The following PDLIM5 variants were observed in gnomAD, a reference collection of about 807,000 sequenced individuals.
PDLIM5 encodes the protein PDZ and LIM domain protein 5.
A neutral mutation model predicts 64.2 loss-of-function variants in PDLIM5; 34 were observed. That is an observed-to-expected ratio of 0.53 (90% CI 0.40 to 0.71). PDLIM5 has a LOEUF of 0.71. Among genes scored for constraint, PDLIM5 ranks in the 30% least tolerant of loss-of-function variants. The pLI, the probability that PDLIM5 is intolerant of heterozygous loss-of-function variation, is 0.00. For synonymous variants in PDLIM5, 253 were observed against 269.1 expected, an observed-to-expected ratio of 0.94 and a Z score of 0.59; for missense variants, 683 against 733.6, an observed-to-expected ratio of 0.93 and a Z score of 0.80.
At chr4:94,580,077 T>G (rs1467675293) in intron 5 of PDLIM5, among the ~76,000 whole-genome samples, 1 of 152,200 alleles carries the variant, frequency 6.6e-6, no homozygotes, top group Admixed American at 6.6e-5. Flanking sequence ...AAATACCAAC[T>G]GATTAAATGT....
At chr4:94,621,829 T>C (rs1420802000) in intron 8 of PDLIM5, among the ~76,000 whole-genome samples, 1 of 152,198 alleles carries the variant, frequency 6.6e-6, no homozygotes, top group Non-Finnish European at 1.5e-5. Context: ...AAAATATAAA[T>C]GAATTTTATA....
chr4:94,625,427 C>CAGT (rs1739587997), intron 8 of PDLIM5, among the ~76,000 whole-genome samples: 3 of 151,010 alleles, frequency 2.0e-5, no homozygotes, highest in African/African-American at 7.3e-5. Context: ...ATACTCAAGG[C>CAGT]AGTAGTATTT....
chr4:94,513,835 A>T (rs893671789), intron 2 of PDLIM5, among the ~76,000 whole-genome samples: 8 of 152,154 alleles, frequency 5.3e-5, no homozygotes, highest in African/African-American at 1.9e-4. Context: ...GTTTTTCCCC[A>T]TTCAGTATGA....
At chr4:94,628,542 A>G (rs1739884566) in intron 8 of PDLIM5, among the ~76,000 whole-genome samples, 1 of 149,534 alleles carries the variant, frequency 6.7e-6, no homozygotes, top group African/African-American at 2.5e-5. Context: ...TTCCTGCTTC[A>G]TTTTTTTTCC....
chr4:94,493,543 C>A (rs1018681469), intron 2 of PDLIM5, among the ~76,000 whole-genome samples: 46 of 152,140 alleles, frequency 3.0e-4, no homozygotes, highest in African/African-American at 1.1e-3. Flanking sequence ...CTCAATGACC[C>A]TTTTAATTGC....
chr4:94,626,935 A>G (rs1739744607), intron 8 of PDLIM5, among the ~76,000 whole-genome samples: 1 of 152,196 alleles, frequency 6.6e-6, no homozygotes, highest in Non-Finnish European at 1.5e-5. Context: ...GTGAGAAAGG[A>G]AATTACTGTT....
At chr4:94,464,073 G>T (rs1410882077) in intron 2 of PDLIM5, among the ~76,000 whole-genome samples, 6 of 152,140 alleles carry the variant, frequency 3.9e-5, no homozygotes. Context: ...ATATTTTTTT[G>T]TAGTAAAGAT....
chr4:94,533,384 T>C (rs547937205), intron 3 of PDLIM5, among the ~76,000 whole-genome samples: 1 of 152,366 alleles, frequency 6.6e-6, no homozygotes, highest in African/African-American at 2.4e-5. Flanking sequence ...ATCCCAGGAA[T>C]AATATGTTTA....
chr4:94,500,956 A>T (rs1457456134), intron 2 of PDLIM5, among the ~76,000 whole-genome samples: 1 of 151,022 alleles, frequency 6.6e-6, no homozygotes, highest in Non-Finnish European at 1.5e-5. Context: ...TTAATTTTGT[A>T]TTTTTTGTAG....
rs531513153 is a variant in PDLIM5 at position 94,663,633 on chromosome 4, C to T, written c.1702-345C>T. Among the ~76,000 whole-genome samples, 8 of 152,160 alleles carry T rather than the reference C, an allele frequency of 5.3e-5. No homozygotes were observed. In the South Asian group the frequency reaches 1.2e-3, roughly 24 times the overall value. On this transcript the variant is annotated intron_variant, in intron 12 of 12. Coordinates refer to ENST00000317968, the MANE Select transcript of PDLIM5 (RefSeq NM_006457.5). Reference sequence around the variant, plus strand: ...TCTACAACACAAAGCAAAATTAGGACGTTGTTTATAATTTGGGGAGATAAA... The same window carrying T: ...TCTACAACACAAAGCAAAATTAGGATGTTGTTTATAATTTGGGGAGATAAA...
chr4:94,663,241 G>A (rs573491106), intron 12 of PDLIM5, among the ~76,000 whole-genome samples: 65 of 152,096 alleles, frequency 4.3e-4, no homozygotes, highest in African/African-American at 1.4e-3. Context: ...AATATTAATC[G>A]GTGCTTAATG....
intron 8 of PDLIM5, among the ~76,000 whole-genome samples, chr4:94,621,870 A>G (rs888386921): frequency 6.6e-6 from 1 of 152,236 alleles, no homozygotes; most frequent in Non-Finnish European, 1.5e-5. Context: ...AACATTATAC[A>G]TTATATAACA....
intron 3 of PDLIM5, among the ~76,000 whole-genome samples, chr4:94,554,600 AAG>A (rs1453359786): frequency 1.3e-5 from 2 of 152,210 alleles, no homozygotes; most frequent in Admixed American, 6.5e-5. Context: ...TAGCTAATAA[AAG>A]AGCTATTCAG....
chr4:94,535,792 C>T (rs72667626), intron 3 of PDLIM5, among the ~76,000 whole-genome samples: 4 of 150,144 alleles, frequency 2.7e-5, no homozygotes, highest in Non-Finnish European at 5.9e-5. Flanking sequence ...TGCTGTGGAG[C>T]TCACAGTGCT....
At chr4:94,608,493 G>T (rs1738111987) in intron 7 of PDLIM5, among the ~76,000 whole-genome samples, 1 of 152,040 alleles carries the variant, frequency 6.6e-6, no homozygotes, top group African/African-American at 2.4e-5. Context: ...TCAAAGACAG[G>T]TAAAGGTCAT....
At chr4:94,475,377 A>C (rs1479803480) in intron 2 of PDLIM5, among the ~76,000 whole-genome samples, 1 of 152,220 alleles carries the variant, frequency 6.6e-6, no homozygotes, top group Non-Finnish European at 1.5e-5. Context: ...AAAAATTGGC[A>C]GTTGATTTAG....
intron 2 of PDLIM5, among the ~76,000 whole-genome samples, chr4:94,462,651 G>T (rs1724005139): frequency 6.6e-6 from 1 of 152,046 alleles, no homozygotes; most frequent in Non-Finnish European, 1.5e-5. Context: ...GTATATGTTT[G>T]TATATTTGTA....
chr4:94,664,630 G>T lies in PDLIM5; in HGVS notation c.*563G>T. On this transcript the variant is annotated 3_prime_UTR_variant, in exon 13 of 13. Coordinates refer to ENST00000317968, the MANE Select transcript of PDLIM5 (RefSeq NM_006457.5). ...CACGCCTGTAATCCCAGCACTTTGG[G>T]AGGCCAAGGTGGGTGGACCACATGA... 2.5e-6 allele frequency: 1 copy of T among 399,748 alleles called. No individual in the cohort carries two copies. Among genetic ancestry groups the T allele is most frequent in the Non-Finnish European group, 3.4e-6 (1 of 294,974 alleles). 24.8% of individuals were successfully genotyped at this position (399,748 alleles called of 1,614,324 possible).
chr4:94,461,075 A>T (rs1217158204), intron 2 of PDLIM5, among the ~76,000 whole-genome samples: 2 of 152,208 alleles, frequency 1.3e-5, no homozygotes, highest in African/African-American at 4.8e-5. Context: ...AGGACCAGTT[A>T]TATCTTTTTC....
Sources: allele counts gnomAD v4.1 joint callset (sites outside exome capture counted in the v4.1 genomes callset), GRCh38; gene constraint gnomAD v4.1.1; transcripts MANE v1.5; gene names NCBI Gene and HGNC (gene_info 2026-07-23, HGNC 2026-07-21).